The following SCOC variants were observed in gnomAD, a reference collection of about 807,000 sequenced individuals.
The protein encoded by SCOC is short coiled-coil protein, also known as short coiled coil protein.
In SCOC, 7 loss-of-function variants were observed where a neutral mutation model predicts 9.9. The ratio of observed to expected loss-of-function variants is 0.71; its 90% CI spans 0.40 to 1.33. The LOEUF (loss-of-function observed/expected upper bound fraction) is 1.33. SCOC is among the 40% of genes most tolerant of loss of function. The pLI, the probability that SCOC is intolerant of heterozygous loss-of-function variation, is 0.01. For missense variants in SCOC, 66 were observed against 89.7 expected (o/e 0.74, Z 1.07); for synonymous variants, 19 against 28.2 (o/e 0.67, Z 1.03).
At chr4:140,374,368 A>G (rs1440256971) in intron 1 of SCOC, 12 of 328,054 alleles carry the variant, frequency 3.7e-5, no homozygotes, top group South Asian at 2.7e-4. Flanking sequence ...CGCAACAATA[A>G]GGACAGATGC....
At chr4:140,350,928 A>C (rs913277155) in intron 2 of SCOC, among the ~76,000 whole-genome samples, 1 of 152,036 alleles carries the variant, frequency 6.6e-6, no homozygotes, top group Non-Finnish European at 1.5e-5. Context: ...AGTGGCTCAC[A>C]CCTGTAATCC....
In SCOC at chr4:140,379,135, AT is replaced by A; in HGVS notation, c.-32del. ...TCTTATTGTAGACCATTCCTCAAGA[AT>A]TTTGTATCCAAGGCCCAAAAGTTTG... is the stretch of plus-strand genomic sequence containing the variant. On this transcript the variant is annotated 5_prime_UTR_variant, in exon 2 of 4. Transcript: ENST00000608372. 6.2e-7 allele frequency: 1 copy of A among 1,601,880 alleles called. No individual in the cohort carries two copies. The highest frequency in any genetic ancestry group is 1.1e-5 in the South Asian group (1 of 90,800).
At chr4:140,290,877 T>A (rs183653148) in intron 1 of SCOC, among the ~76,000 whole-genome samples, 5 of 152,292 alleles carry the variant, frequency 3.3e-5, no homozygotes, top group African/African-American at 7.2e-5. Context: ...GTATGCATGG[T>A]CACTTGATGT....
In SCOC at chr4:140,327,655, A is replaced by G. The variant is rs540389023; in HGVS notation, c.-18-15966A>G. 1.4e-4 allele frequency among the ~76,000 whole-genome samples: 21 copies of G among 152,324 alleles called. No homozygotes were observed. The South Asian group carries it at 3.5e-3, about 26-fold the overall frequency. ...ACAAATGTTTTGTTTGAAATGCTTGACAACTAATTATGTTGATTACCTATG... is the reference window on the plus strand; with the variant it reads ...ACAAATGTTTTGTTTGAAATGCTTGGCAACTAATTATGTTGATTACCTATG... On this transcript the variant is annotated intron_variant, in intron 1 of 4. Transcript: ENST00000394205.
chr4:140,265,647 G>A (rs942133036), intron 1 of SCOC, among the ~76,000 whole-genome samples: 1 of 152,198 alleles, frequency 6.6e-6, no homozygotes, highest in Non-Finnish European at 1.5e-5. Context: ...ACATTTGATT[G>A]ATCAAAATTT....
rs28448873 is a variant in SCOC, at chr4:140,376,196, A to G, written c.-51+2479A>G. Reference sequence around the variant, plus strand: ...AATACTATTTTAAAAGAAAAAATCCATGGCTAAAATACTTTGACATAAAGA... The same window carrying G: ...AATACTATTTTAAAAGAAAAAATCCGTGGCTAAAATACTTTGACATAAAGA... On this transcript the variant is annotated intron_variant, in intron 1 of 3. Transcript: ENST00000608372. Among the ~76,000 whole-genome samples, 1,068 of 152,372 alleles carry G rather than the reference A, an allele frequency of 7.0e-3. 11 individuals carry two copies. Among genetic ancestry groups the G allele is most frequent in the African/African-American group, 0.024 (1,012 of 41,592 alleles).
At chr4:140,354,462 T>C (rs922579239) in intron 2 of SCOC, among the ~76,000 whole-genome samples, 11 of 150,734 alleles carry the variant, frequency 7.3e-5, no homozygotes, top group Admixed American at 3.3e-4. Flanking sequence ...ATCGTCCACA[T>C]ACAATTGCCC....
chr4:140,318,687 C>G (rs1337765166), intron 1 of SCOC, among the ~76,000 whole-genome samples: 2 of 139,366 alleles, frequency 1.4e-5, no homozygotes, highest in African/African-American at 5.6e-5. Flanking sequence ...CCTCAGGGAT[C>G]TAGAACTAGA....
intron 1 of SCOC, among the ~76,000 whole-genome samples, chr4:140,266,847 A>G (rs7669397): frequency 0.074 from 11,197 of 152,228 alleles, 1,069 homozygotes; most frequent in African/African-American, 0.22. Flanking sequence ...AGTAAGGGAG[A>G]GAGGAAATCT....
intron 1 of SCOC, among the ~76,000 whole-genome samples, chr4:140,286,932 C>A (rs1319932339): frequency 6.6e-6 from 1 of 152,124 alleles, no homozygotes. Context: ...GACTACCCAG[C>A]TGGAAGACCA....
chr4:140,318,638 T>C (rs1296183468), intron 1 of SCOC, among the ~76,000 whole-genome samples: 5 of 134,078 alleles, frequency 3.7e-5, no homozygotes, highest in Non-Finnish European at 6.2e-5. Flanking sequence ...GGTGGGACTG[T>C]AAACTAGTTC....
At chr4:140,287,559 G>A (rs527490875) in intron 1 of SCOC, among the ~76,000 whole-genome samples, 68 of 151,594 alleles carry the variant, frequency 4.5e-4, no homozygotes, top group Non-Finnish European at 8.8e-4. Flanking sequence ...ATGTACACAT[G>A]CCACACAGAC....
At chr4:140,300,962 G>T (rs532923359) in intron 1 of SCOC, among the ~76,000 whole-genome samples, 6 of 152,166 alleles carry the variant, frequency 3.9e-5, no homozygotes, top group Non-Finnish European at 8.8e-5. Context: ...GAGCTGGTTG[G>T]TTTAGGCAGC....
intron 1 of SCOC, among the ~76,000 whole-genome samples, chr4:140,320,632 A>T (rs1732473632): frequency 6.6e-6 from 1 of 151,948 alleles, no homozygotes; most frequent in African/African-American, 2.4e-5. Context: ...TAGATCAAGG[A>T]GAAGCCTCAG....
rs1728560718 is a variant in SCOC, at chr4:140,381,194, G to A, written c.*90G>A. On this transcript the variant is annotated 3_prime_UTR_variant, in exon 4 of 4. Transcript: ENST00000608372. ...ATTCCAAAAGTTACAGTACCTTTGT[G>A]GCTTCATTGAATATTTATGAAGATA... is the stretch of plus-strand genomic sequence containing the variant. The A allele has an allele frequency of 1.6e-6, 2 of 1,248,610 alleles. No individual in the cohort carries two copies. The highest frequency in any genetic ancestry group is 2.2e-6 in the Non-Finnish European group (2 of 906,198). The allele number at this position is 1,248,610 out of a possible 1,614,324, so 77.3% of individuals were successfully genotyped here. A position where few individuals can be genotyped will look rare whatever the true frequency, so the allele number is the denominator to read the frequency against.
intron 2 of SCOC, among the ~76,000 whole-genome samples, chr4:140,359,855 G>C: frequency 6.6e-6 from 1 of 152,160 alleles, no homozygotes; most frequent in African/African-American, 2.4e-5. Context: ...CAATAGTGAG[G>C]GATAGGACAG....
chr4:140,370,549 G>A (rs995581013), upstream of SCOC, among the ~76,000 whole-genome samples: 3 of 152,138 alleles, frequency 2.0e-5, no homozygotes, highest in African/African-American at 7.2e-5. Context: ...AGATTCCCAG[G>A]TGATTCTAAT....
At chr4:140,339,329 C>T (rs1215448888), upstream of SCOC, among the ~76,000 whole-genome samples, 1 of 151,772 alleles carries the variant, frequency 6.6e-6, no homozygotes, top group East Asian at 1.9e-4. Context: ...AAATGTTGGA[C>T]GTAAAACCAT....
chr4:140,266,670 T>TA (rs1473040960), intron 1 of SCOC, among the ~76,000 whole-genome samples: 1 of 152,148 alleles, frequency 6.6e-6, no homozygotes, highest in Non-Finnish European at 1.5e-5. Flanking sequence ...GTAAAGGTGT[T>TA]AGAGTCTAGA....
Sources: gnomAD v4.1 joint callset for allele counts (sites outside exome capture counted in the v4.1 genomes callset) on GRCh38, gnomAD v4.1.1 for gene constraint, MANE v1.5 for transcripts, NCBI Gene and HGNC (gene_info 2026-07-23, HGNC 2026-07-21) for gene names.